The following ATF6 variants were observed in gnomAD, a reference collection of about 807,000 sequenced individuals.
ATF6 encodes activating transcription factor 6, also known as cyclic AMP-dependent transcription factor ATF-6 alpha.
Under a neutral mutation model 83.6 loss-of-function variants are expected in ATF6, and 53 were observed. The observed-to-expected ratio is 0.63, with a 90% CI of 0.51 to 0.80. ATF6 has a LOEUF of 0.80. Among genes scored for constraint, ATF6 ranks in the 30% least tolerant of loss-of-function variants. ATF6 has a pLI of 0.00. For synonymous variants in ATF6, 288 were observed against 285.8 expected, an observed-to-expected ratio of 1.01 and a Z score of -0.08; for missense variants, 744 against 797.9, an observed-to-expected ratio of 0.93 and a Z score of 0.81.
At chr1:161,864,238 G>A (rs1686944828) in intron 14 of ATF6, among the ~76,000 whole-genome samples, 1 of 151,962 alleles carries the variant, frequency 6.6e-6, no homozygotes, top group Non-Finnish European at 1.5e-5. Context: ...AACAACACAA[G>A]TTTGAATGAA....
chr1:161,769,662 G>T (rs1055305147), intron 1 of ATF6, among the ~76,000 whole-genome samples: 1 of 151,988 alleles, frequency 6.6e-6, no homozygotes, highest in Admixed American at 6.6e-5. Flanking sequence ...ATTAGTGGGA[G>T]CCCTGAGCTT....
chr1:161,793,394 C>T (rs1404678794), intron 6 of ATF6, among the ~76,000 whole-genome samples: 1 of 152,200 alleles, frequency 6.6e-6, no homozygotes, highest in Non-Finnish European at 1.5e-5. Context: ...GTCAGAACTG[C>T]TGCCTTTTCC....
chr1:161,859,922 T>C (rs1034171446), intron 12 of ATF6, among the ~76,000 whole-genome samples: 6 of 152,176 alleles, frequency 3.9e-5, no homozygotes, highest in African/African-American at 1.4e-4. Context: ...AACACTTATA[T>C]AGCTTGGTCA....
At chr1:161,791,385 T>G in intron 4 of ATF6, 23 bp from the exon 5 acceptor site, 1 of 1,589,754 alleles carries the variant, frequency 6.3e-7, no homozygotes, top group South Asian at 1.1e-5. Context: ...TACTCATTAA[T>G]TTTTGTTTTT....
chr1:161,878,110 A>G (rs887463173), intron 14 of ATF6, among the ~76,000 whole-genome samples: 2 of 152,022 alleles, frequency 1.3e-5, no homozygotes, highest in Non-Finnish European at 2.9e-5. Flanking sequence ...TTGTCAGCTC[A>G]TACACATTTA....
intron 15 of ATF6, among the ~76,000 whole-genome samples, chr1:161,943,471 A>C (rs1443713549): frequency 6.6e-6 from 1 of 152,176 alleles, no homozygotes; most frequent in African/African-American, 2.4e-5. Context: ...TCTTCATAGC[A>C]GTGTGAGAAC....
chr1:161,814,226 T>A (rs1008044176), intron 7 of ATF6, among the ~76,000 whole-genome samples: 1 of 152,202 alleles, frequency 6.6e-6, no homozygotes, highest in Non-Finnish European at 1.5e-5. Flanking sequence ...GTGGAGTCAT[T>A]AACTGAAATA....
intron 15 of ATF6, among the ~76,000 whole-genome samples, chr1:161,931,390 C>T (rs938952173): frequency 3.9e-5 from 6 of 152,108 alleles, no homozygotes; most frequent in Admixed American, 2.6e-4. Context: ...ATAGCAGTAT[C>T]GAATTGCCTT....
chr1:161,888,800 T>A (rs1687485950), intron 14 of ATF6, among the ~76,000 whole-genome samples: 1 of 152,104 alleles, frequency 6.6e-6, no homozygotes, highest in Admixed American at 6.5e-5. Flanking sequence ...CTGCCTAAAT[T>A]CCTTGGTTGG....
intron 9 of ATF6, among the ~76,000 whole-genome samples, chr1:161,843,121 C>T (rs931164935): frequency 2.6e-5 from 4 of 152,158 alleles, no homozygotes; most frequent in South Asian, 2.1e-4. Context: ...GGTGCACTCA[C>T]GCATGTTCCG....
chr1:161,867,052 TG>T (rs929875623), intron 14 of ATF6, among the ~76,000 whole-genome samples: 247 of 152,270 alleles, frequency 1.6e-3, no homozygotes, highest in African/African-American at 5.8e-3. Flanking sequence ...CCCAGCACGT[TG>T]GGAGGCCGAG....
At chr1:161,792,413 A>C (rs1346663797) in intron 6 of ATF6, 86 bp downstream of exon 6, 1 of 1,312,990 alleles carries the variant, frequency 7.6e-7, no homozygotes, top group African/African-American at 1.5e-5. Context: ...TTCAGGTTAT[A>C]ATTTCTGAGC....
intron 4 of ATF6, among the ~76,000 whole-genome samples, chr1:161,786,226 C>A (rs934481613): frequency 6.6e-6 from 1 of 152,144 alleles, no homozygotes; most frequent in Non-Finnish European, 1.5e-5. Context: ...CTCAGGTTAT[C>A]CACCTGCCTC....
chr1:161,916,663 T>G (rs1295034325), intron 15 of ATF6, among the ~76,000 whole-genome samples: 1 of 152,210 alleles, frequency 6.6e-6, no homozygotes, highest in African/African-American at 2.4e-5. Context: ...TCATCATACC[T>G]CTTTGGTTTC....
At chr1:161,793,744 G>T (rs1571136246) in intron 6 of ATF6, among the ~76,000 whole-genome samples, 2 of 152,186 alleles carry the variant, frequency 1.3e-5, no homozygotes, top group African/African-American at 4.8e-5. Context: ...AGTGATGGAA[G>T]ATCTTACCTA....
At chr1:161,779,111 A>G (rs773586817) in intron 2 of ATF6, among the ~76,000 whole-genome samples, 2 of 152,232 alleles carry the variant, frequency 1.3e-5, no homozygotes, top group African/African-American at 2.4e-5. Flanking sequence ...AATGAAGGAC[A>G]TGATATATTT....
At chr1:161,781,853 AT>A in intron 2 of ATF6, 58 bp from the exon 3 acceptor site, 1 of 1,173,710 alleles carries the variant, frequency 8.5e-7, no homozygotes, top group Non-Finnish European at 1.2e-6. Flanking sequence ...TCACAGTTTG[AT>A]TTTAAGATGT....
intron 12 of ATF6, among the ~76,000 whole-genome samples, chr1:161,855,949 A>C (rs1686747264): frequency 6.6e-6 from 1 of 152,200 alleles, no homozygotes; most frequent in African/African-American, 2.4e-5. Flanking sequence ...GAAGTGAAGA[A>C]AATTATTTCA....
At chr1:161,915,232 T>C (rs1174734061) in intron 15 of ATF6, among the ~76,000 whole-genome samples, 1 of 152,130 alleles carries the variant, frequency 6.6e-6, no homozygotes, top group Non-Finnish European at 1.5e-5. Context: ...GAAAGAAAAG[T>C]CTCTTCCATT....
Sources: gnomAD v4.1 joint callset for allele counts (sites outside exome capture counted in the v4.1 genomes callset) on GRCh38, gnomAD v4.1.1 for gene constraint, MANE v1.5 for transcripts, NCBI Gene and HGNC (gene_info 2026-07-23, HGNC 2026-07-21) for gene names.